Variants in ARHGEF28 observed in about 807,000 individuals in gnomAD.
ARHGEF28 encodes 190 kDa guanine nucleotide exchange factor.
In ARHGEF28, 152 loss-of-function variants were observed where a neutral mutation model predicts 206.6. That is an observed-to-expected ratio of 0.74 (90% CI 0.64 to 0.84). ARHGEF28 has a LOEUF of 0.84. ARHGEF28 is among the 40% of genes least tolerant of loss of function. ARHGEF28 has a pLI of 0.00. For missense variants in ARHGEF28, 2,028 were observed against 2,073.2 expected (o/e 0.98, Z 0.42); for synonymous variants, 763 against 776.4 (o/e 0.98, Z 0.29).
At chr5:73,755,471 C>T (rs1752257248) in intron 4 of ARHGEF28, among the ~76,000 whole-genome samples, 1 of 152,142 alleles carries the variant, frequency 6.6e-6, no homozygotes, top group African/African-American at 2.4e-5. Context: ...AGCTTGGTGC[C>T]TGCAGCGGTT....
At position 73,832,290 on chromosome 5, in the gene ARHGEF28, A is replaced by AAG. The variant is rs762816577; in HGVS notation, c.1025-48_1025-47insAG. On this transcript the variant is annotated intron_variant, in intron 9 of 35. Coordinates refer to ENST00000513042, the MANE Select transcript of ARHGEF28 (RefSeq NM_001177693.2). ...TAAGAAGGTAAAGCTTGACTGTAAA[A>AAG]TAAGCCCCTTCTCCTTTATTTGCCC... The AAG allele has an allele frequency of 4.4e-6, 7 of 1,599,904 alleles. No individual in the cohort carries two copies. In the Admixed American group the frequency reaches 6.8e-5, roughly 16 times the overall value.
chr5:73,845,848 C>A (rs147852849), intron 11 of ARHGEF28, among the ~76,000 whole-genome samples: 1 of 151,588 alleles, frequency 6.6e-6, no homozygotes, highest in Non-Finnish European at 1.5e-5. Flanking sequence ...ATTGGCCGGG[C>A]GTGGTGGCGC....
intron 7 of ARHGEF28, 33 bp from the exon 8 acceptor site, chr5:73,794,369 A>T (rs761646181): frequency 6.4e-7 from 1 of 1,556,762 alleles, no homozygotes; most frequent in Non-Finnish European, 8.7e-7. Flanking sequence ...AAAAGCTCCC[A>T]TCAGCAGATC....
chr5:73,810,067 T>A (rs1404964717), intron 9 of ARHGEF28, among the ~76,000 whole-genome samples: 1 of 152,178 alleles, frequency 6.6e-6, no homozygotes, highest in Non-Finnish European at 1.5e-5. Flanking sequence ...TGATCCACAT[T>A]CAGAAGAAAC....
intron 10 of ARHGEF28, 89 bp downstream of exon 10, chr5:73,832,548 T>C: frequency 6.7e-7 from 1 of 1,497,158 alleles, no homozygotes; most frequent in Non-Finnish European, 9.0e-7. Flanking sequence ...TTGTGTTCCT[T>C]TGACAATTTT....
intron 4 of ARHGEF28, among the ~76,000 whole-genome samples, chr5:73,755,962 G>A (rs1011711964): frequency 5.3e-5 from 8 of 152,152 alleles, no homozygotes; most frequent in Admixed American, 1.3e-4. Flanking sequence ...AGAAAAACTG[G>A]AGTGGTTTCT....
intron 2 of ARHGEF28, among the ~76,000 whole-genome samples, chr5:73,727,877 T>C (rs1488858405): frequency 6.6e-6 from 1 of 152,206 alleles, no homozygotes. Flanking sequence ...TTCTGCCTAC[T>C]GTCCTTCAGT....
intron 1 of ARHGEF28, among the ~76,000 whole-genome samples, chr5:73,676,362 A>G (rs1349195073): frequency 1.3e-5 from 2 of 151,844 alleles, no homozygotes; most frequent in Admixed American, 1.3e-4. Context: ...CAGCCTCCCA[A>G]GTAGCTGGGA....
At chr5:73,814,421 G>A (rs1756051007) in intron 9 of ARHGEF28, among the ~76,000 whole-genome samples, 1 of 152,068 alleles carries the variant, frequency 6.6e-6, no homozygotes, top group Non-Finnish European at 1.5e-5. Context: ...CAAGGAGCAA[G>A]CTGGTGTTAG....
At chr5:73,803,954 A>G (rs770525972) in intron 9 of ARHGEF28, among the ~76,000 whole-genome samples, 23 of 151,914 alleles carry the variant, frequency 1.5e-4, no homozygotes, top group Non-Finnish European at 3.1e-4. Flanking sequence ...CGGGCATGGT[A>G]CATGCCTGTG....
intron 23 of ARHGEF28, among the ~76,000 whole-genome samples, chr5:73,883,011 A>T (rs567935365): frequency 1.3e-5 from 2 of 152,322 alleles, no homozygotes; most frequent in South Asian, 4.1e-4. Flanking sequence ...TGACATTATT[A>T]TACAAATAAA....
rs531548927 is a variant in ARHGEF28, at chr5:73,821,306, T to TA, written c.1025-11026dup. Reference sequence around the variant, plus strand: ...TCAGAATGTTTCTATTGAGGACACATAAAAAATAAGGGAAAAAACATACAT... The same window carrying TA: ...TCAGAATGTTTCTATTGAGGACACATAAAAAAATAAGGGAAAAAACATACAT... On this transcript the variant is annotated intron_variant, in intron 9 of 35. Transcript: ENST00000513042. 7.2e-5 allele frequency among the ~76,000 whole-genome samples: 11 copies of TA among 152,226 alleles called. No individual in the cohort carries two copies. In the South Asian group the frequency reaches 2.3e-3, roughly 32 times the overall value.
chr5:73,755,432 C>T (rs982826269), intron 4 of ARHGEF28, among the ~76,000 whole-genome samples: 2 of 152,080 alleles, frequency 1.3e-5, no homozygotes, highest in African/African-American at 4.8e-5. Context: ...CACAGCCCCT[C>T]CCCAGGCCAG....
intron 2 of ARHGEF28, among the ~76,000 whole-genome samples, chr5:73,717,063 A>G (rs1017201536): frequency 1.3e-5 from 2 of 152,150 alleles, no homozygotes; most frequent in African/African-American, 4.8e-5. Flanking sequence ...CTTGAGACAG[A>G]GGATCCAGAA....
intron 5 of ARHGEF28, among the ~76,000 whole-genome samples, chr5:73,775,159 A>G (rs761165480): frequency 3.3e-5 from 5 of 152,072 alleles, no homozygotes; most frequent in Admixed American, 6.5e-5. Flanking sequence ...TGACTCATTC[A>G]TCGTGAACAA....
At chr5:73,746,149 C>T (rs1240445635) in intron 2 of ARHGEF28, among the ~76,000 whole-genome samples, 1 of 152,056 alleles carries the variant, frequency 6.6e-6, no homozygotes, top group Non-Finnish European at 1.5e-5. Context: ...TTTGTGACAA[C>T]TTGTTCATAT....
At chr5:73,642,545 C>G (rs1173688403) in intron 1 of ARHGEF28, among the ~76,000 whole-genome samples, 2 of 152,042 alleles carry the variant, frequency 1.3e-5, no homozygotes, top group African/African-American at 4.8e-5. Context: ...AAATGCATTG[C>G]ATTTTGAACT....
rs199804024 is a variant in ARHGEF28 at position 73,938,160 on chromosome 5, C to CCACACACACACACACACA, written c.4949-2661_4949-2644dup. Among the ~76,000 whole-genome samples, 566 of 139,620 alleles carry CCACACACACACACACACA rather than the reference C, an allele frequency of 4.1e-3. 7 individuals carry two copies. Among genetic ancestry groups the CCACACACACACACACACA allele is most frequent in the Admixed American group, 8.3e-3 (115 of 13,808 alleles). 91.6% of individuals were successfully genotyped at this position (139,620 alleles called of 152,430 possible). Reference sequence around the variant, plus strand: ...GTTCTGATTAAACTTCTACACTACACCACACACACACACACACACACACAC... The same window carrying CCACACACACACACACACA: ...GTTCTGATTAAACTTCTACACTACACCACACACACACACACACACACACACACACACACACACACACAC... On this transcript the variant is annotated intron_variant, in intron 35 of 35. Coordinates refer to ENST00000513042, the MANE Select transcript of ARHGEF28 (RefSeq NM_001177693.2).
intron 9 of ARHGEF28, among the ~76,000 whole-genome samples, chr5:73,797,943 C>T (rs1004098760): frequency 6.6e-6 from 1 of 152,148 alleles, no homozygotes; most frequent in Non-Finnish European, 1.5e-5. Context: ...GTCTATTGAG[C>T]ATGTGACATG....
Sources: allele counts gnomAD v4.1 joint callset (sites outside exome capture counted in the v4.1 genomes callset), GRCh38; gene constraint gnomAD v4.1.1; transcripts MANE v1.5; gene names NCBI Gene and HGNC (gene_info 2026-07-23, HGNC 2026-07-21).